The following GTF2H5 variants were observed in gnomAD, a reference collection of about 807,000 sequenced individuals.
The protein encoded by GTF2H5 is general transcription factor IIH subunit 5, also known as TFB5 ortholog.
GTF2H5 carries 5 observed loss-of-function variants against 7.1 expected under a neutral mutation model. The observed-to-expected ratio is 0.71, with a 90% CI of 0.37 to 1.49. GTF2H5 has a LOEUF of 1.49. Ranked by LOEUF, GTF2H5 falls within the 40% of genes most tolerant of loss-of-function variation. The pLI, the probability that GTF2H5 is intolerant of heterozygous loss-of-function variation, is 0.03. For missense variants in GTF2H5, 80 were observed against 83.0 expected (o/e 0.96, Z 0.14); for synonymous variants, 30 against 31.7 (o/e 0.95, Z 0.18).
In GTF2H5 at chr6:158,169,686, A is replaced by ATATATATTATGTAATATATTGTATAT. The variant is rs1785787240; in HGVS notation, c.-34-774_-34-773insGTAATATATTGTATATTATATATTAT. On this transcript the variant is annotated intron_variant, in intron 1 of 2. Coordinates refer to ENST00000607778, the MANE Select transcript of GTF2H5 (RefSeq NM_207118.3). Reference sequence around the variant, plus strand: ...TATATTGTATATTATATAATATATAATATATATTATATAATATATTGTATA... The same window carrying ATATATATTATGTAATATATTGTATAT: ...TATATTGTATATTATATAATATATAATATATATTATGTAATATATTGTATATTATATATTATATAATATATTGTATA... 1.3e-4 allele frequency among the ~76,000 whole-genome samples: 4 copies of ATATATATTATGTAATATATTGTATAT among 29,734 alleles called. 2 individuals carry two copies. The highest frequency in any genetic ancestry group is 8.2e-4 in the African/African-American group (4 of 4,904). 19.5% of individuals were successfully genotyped at this position (29,734 alleles called of 152,430 possible).
chr6:158,178,308 A>G (rs1231517723), intron 2 of GTF2H5, among the ~76,000 whole-genome samples: 1 of 152,092 alleles, frequency 6.6e-6, no homozygotes, highest in Non-Finnish European at 1.5e-5. Context: ...AACACGGTGA[A>G]ACCCCGTCTC....
intron 2 of GTF2H5, among the ~76,000 whole-genome samples, chr6:158,178,337 A>G (rs929013835): frequency 4.6e-5 from 7 of 151,230 alleles, no homozygotes; most frequent in African/African-American, 1.7e-4. Flanking sequence ...TTAGCCAGGC[A>G]TGGTGGCTAC....
chr6:158,189,473 C>T (rs568848674), intron 2 of GTF2H5, among the ~76,000 whole-genome samples: 1 of 152,296 alleles, frequency 6.6e-6, no homozygotes, highest in South Asian at 2.1e-4. Context: ...TTCCACTGAG[C>T]TTGTCCTCCA....
chr6:158,181,819 ACT>A (rs750834268), intron 2 of GTF2H5, among the ~76,000 whole-genome samples: 2 of 151,314 alleles, frequency 1.3e-5, no homozygotes, highest in Non-Finnish European at 2.9e-5. Context: ...ACGGGTCTTG[ACT>A]CTATCCCATT....
chr6:158,177,847 T>A lies in GTF2H5; in HGVS notation c.35+7309T>A, dbSNP rs541986556. On this transcript the variant is annotated intron_variant, in intron 2 of 2. Transcript: ENST00000607778. The stretch of plus-strand genomic sequence containing the variant: ...TTGGTTTTCTGATCTTGTGATAGTT[T>A]GCTGAAAATGATGGTTTCCAGCTTC... 3.3e-5 allele frequency among the ~76,000 whole-genome samples: 5 copies of A among 152,324 alleles called. No homozygotes were observed. The South Asian group carries it at 1.0e-3, about 32-fold the overall frequency.
chr6:158,186,865 T>G (rs1014790203), intron 2 of GTF2H5, among the ~76,000 whole-genome samples: 3 of 152,194 alleles, frequency 2.0e-5, no homozygotes, highest in African/African-American at 7.2e-5. Context: ...AGACCTGGAA[T>G]CAATAGAAAG....
At position 158,194,138 on chromosome 6, in the gene GTF2H5, G is replaced by T. The variant is rs529293119; in HGVS notation, c.*1981G>T. 6.6e-6 allele frequency: 1 copy of T among 152,086 alleles called. No homozygotes were observed. The highest frequency in any genetic ancestry group is 1.5e-5 in the Non-Finnish European group (1 of 68,002). The allele number at this position is 152,086 out of a possible 1,614,324, so 9.4% of individuals were successfully genotyped here. On this transcript the variant is annotated 3_prime_UTR_variant, in exon 3 of 3. Coordinates refer to ENST00000607778, the MANE Select transcript of GTF2H5 (RefSeq NM_207118.3). ...TTAACATGAAACTTAGAAAATTTTTGATAGAATCCCAGAGTTCAAAAGGTA... is the reference window on the plus strand; with the variant it reads ...TTAACATGAAACTTAGAAAATTTTTTATAGAATCCCAGAGTTCAAAAGGTA...
At chr6:158,170,589 A>G (rs759256603) in intron 2 of GTF2H5, 51 bp downstream of exon 2, 2 of 1,227,268 alleles carry the variant, frequency 1.6e-6, no homozygotes, top group East Asian at 4.6e-5. Context: ...TTGAATCTTG[A>G]CTTGTATGTA....
chr6:158,169,538 T>TATAATATACTGTATATTAC (rs1554267000), intron 1 of GTF2H5, among the ~76,000 whole-genome samples: 8 of 62,920 alleles, frequency 1.3e-4, no homozygotes, highest in African/African-American at 5.4e-4. Flanking sequence ...CAGTATATTA[T>TATAATATACTGTATATTAC]ATATAATATA....
intron 1 of GTF2H5, among the ~76,000 whole-genome samples, chr6:158,169,538 T>TATAATATATTGTATATTGC (rs1554267000): frequency 2.5e-4 from 16 of 62,904 alleles, no homozygotes; most frequent in African/African-American, 1.0e-3. Flanking sequence ...CAGTATATTA[T>TATAATATATTGTATATTGC]ATATAATATA....
At chr6:158,179,636 C>G (rs1785980495) in intron 2 of GTF2H5, among the ~76,000 whole-genome samples, 1 of 152,110 alleles carries the variant, frequency 6.6e-6, no homozygotes, top group African/African-American at 2.4e-5. Context: ...ATTTGGCTCT[C>G]TGTTTGTCTG....
intron 2 of GTF2H5, among the ~76,000 whole-genome samples, chr6:158,183,218 C>A (rs544111704): frequency 1.3e-5 from 2 of 152,292 alleles, no homozygotes; most frequent in Admixed American, 1.3e-4. Context: ...GGCTGCAGAA[C>A]AGTAAATATT....
intron 1 of GTF2H5, among the ~76,000 whole-genome samples, chr6:158,169,441 A>ATATATAT (rs1554266937): frequency 1.5e-5 from 1 of 64,624 alleles, no homozygotes; most frequent in Non-Finnish European, 2.5e-5. Context: ...TGTATATTAT[A>ATATATAT]TATATTATAT....
rs1477002847 is a variant in GTF2H5, at chr6:158,190,022, C to T, written c.36-1955C>T. On this transcript the variant is annotated intron_variant, in intron 2 of 2. Transcript: ENST00000607778. ...GTGGTCACTTCTTACTCAGCTTCTT[C>T]ACTCAGGGGCCAGTAGGCATCTCAA... Among the ~76,000 whole-genome samples, 8 of 152,132 alleles carry T rather than the reference C, an allele frequency of 5.3e-5. No homozygotes were observed. The East Asian group carries it at 1.2e-3, about 22-fold the overall frequency.
chr6:158,195,844 A>T lies in GTF2H5; in HGVS notation c.*3687A>T, dbSNP rs4354181. On this transcript the variant is annotated 3_prime_UTR_variant, in exon 3 of 3. Coordinates refer to ENST00000607778, the MANE Select transcript of GTF2H5 (RefSeq NM_207118.3). ...TATTTTAAAGATGGAGAAATGATGC[A>T]GTTTGCAAATATAGTCAATAAATAT... is the stretch of plus-strand genomic sequence containing the variant. The T allele has an allele frequency of 6.6e-6, 1 of 152,174 alleles. No homozygotes were observed. Among genetic ancestry groups the T allele is most frequent in the Admixed American group, 6.5e-5 (1 of 15,272 alleles). The allele number at this position is 152,174 out of a possible 1,614,324, so 9.4% of individuals were successfully genotyped here.
intron 2 of GTF2H5, among the ~76,000 whole-genome samples, chr6:158,180,341 G>A (rs186912429): frequency 1.3e-5 from 2 of 152,190 alleles, no homozygotes; most frequent in Admixed American, 6.5e-5. Context: ...CTCTTTTTTT[G>A]TTGTGTTTCT....
At position 158,197,886 on chromosome 6, in the gene GTF2H5, T is replaced by C. The variant is rs1777136776; in HGVS notation, c.*5729T>C. On this transcript the variant is annotated 3_prime_UTR_variant, in exon 3 of 3. Coordinates refer to ENST00000607778, the MANE Select transcript of GTF2H5 (RefSeq NM_207118.3). ...TTTTCTTCAGCTAATAAAAAAGACA[T>C]GGTTAATTTCCCAGGACCCTCAGTT... The C allele has an allele frequency of 6.6e-6, 1 of 152,194 alleles. No individual in the cohort carries two copies. Among genetic ancestry groups the C allele is most frequent in the Non-Finnish European group, 1.5e-5 (1 of 68,024 alleles). 9.4% of individuals were successfully genotyped at this position (152,194 alleles called of 1,614,324 possible). A position where few individuals can be genotyped will look rare whatever the true frequency, so the allele number is the denominator to read the frequency against.
rs561216300 is a variant in GTF2H5, at chr6:158,169,606, A to G, written c.-34-864A>G. On this transcript the variant is annotated intron_variant, in intron 1 of 2. Transcript: ENST00000607778. ...ATATAATATATTGTATATTACATAT[A>G]TTGTATATTACATATAATATATTGT... Among the ~76,000 whole-genome samples the G allele has an allele frequency of 2.3e-3, 210 of 90,652 alleles. 11 individuals are homozygous for G. Among genetic ancestry groups the G allele is most frequent in the Middle Eastern group, 7.6e-3 (1 of 132 alleles). 59.5% of individuals were successfully genotyped at this position (90,652 alleles called of 152,430 possible).
chr6:158,177,094 G>A (rs1350422403), intron 2 of GTF2H5, among the ~76,000 whole-genome samples: 1 of 152,188 alleles, frequency 6.6e-6, no homozygotes, highest in Non-Finnish European at 1.5e-5. Flanking sequence ...CTAGTTTTGG[G>A]GCCAGTTTAT....
Sources: allele counts gnomAD v4.1 joint callset (sites outside exome capture counted in the v4.1 genomes callset), GRCh38; gene constraint gnomAD v4.1.1; transcripts MANE v1.5; gene names NCBI Gene and HGNC (gene_info 2026-07-23, HGNC 2026-07-21).